The following ADGRL4 variants were observed in gnomAD, a reference collection of about 807,000 sequenced individuals.
ADGRL4 encodes EGF, latrophilin and seven transmembrane domain containing 1.
Under a neutral mutation model 74.8 loss-of-function variants are expected in ADGRL4, and 90 were observed. The ratio of observed to expected loss-of-function variants is 1.20; its 90% CI spans 1.02 to 1.43. The LOEUF (loss-of-function observed/expected upper bound fraction) is 1.43. Among genes scored for constraint, ADGRL4 ranks in the 40% most tolerant of loss-of-function variants. The pLI is 0.00. For synonymous variants in ADGRL4, 311 were observed against 279.2 expected, an observed-to-expected ratio of 1.11 and a Z score of -1.14; for missense variants, 881 against 814.3, an observed-to-expected ratio of 1.08 and a Z score of -1.00.
intron 12 of ADGRL4, among the ~76,000 whole-genome samples, chr1:78,916,160 AG>A (rs1450595822): frequency 6.6e-6 from 1 of 151,928 alleles, no homozygotes; most frequent in Admixed American, 6.6e-5. Flanking sequence ...AATCCAAATT[AG>A]CCTTACACAA....
Position 78,917,899 on chromosome 1 carries a change from T to G in ADGRL4, c.1613A>C (p.Tyr538Ser). The G allele has an allele frequency of 6.2e-7, 1 of 1,612,718 alleles. No individual in the cohort carries two copies. Among genetic ancestry groups the G allele is most frequent in the Non-Finnish European group, 8.5e-7 (1 of 1,179,140 alleles). The change falls in exon 11 of 15, where the codon TAT becomes TCT. Residue 538 changes from tyrosine to serine, a missense_variant. Physicochemically the swap from Tyr to Ser is moderately radical, Grantham distance 144. Transcript: ENST00000370742. ...FLHKNFYIFG[Y>S]LSPAVVVGFS... ...TCCAACTACCACGGCTGGGCTTAGA[T>G]AGCCAAAGATATAAAAATTCTTGTG...
At chr1:78,996,912 G>A (rs1233182447) in intron 2 of ADGRL4, among the ~76,000 whole-genome samples, 1 of 152,100 alleles carries the variant, frequency 6.6e-6, no homozygotes, top group Non-Finnish European at 1.5e-5. Flanking sequence ...CACAACACAG[G>A]GAAGAGATGA....
chr1:78,957,287 T>C (rs527719607), intron 2 of ADGRL4, among the ~76,000 whole-genome samples: 97 of 152,118 alleles, frequency 6.4e-4, no homozygotes, highest in Admixed American at 2.0e-3. Flanking sequence ...TGCATTTATG[T>C]CACTTTAAAT....
At chr1:79,002,290 G>A (rs115294879) in intron 2 of ADGRL4, among the ~76,000 whole-genome samples, 3,537 of 152,150 alleles carry the variant, frequency 0.023, 65 homozygotes, top group Non-Finnish European at 0.038. Context: ...TCTACTCCAT[G>A]CTACTCATGA....
At chr1:78,919,213 G>T (rs1395247124) in intron 10 of ADGRL4, among the ~76,000 whole-genome samples, 2 of 151,980 alleles carry the variant, frequency 1.3e-5, no homozygotes, top group African/African-American at 4.8e-5. Flanking sequence ...ATGGAAATAT[G>T]GAGGCAATTT....
chr1:78,953,651 C>G (rs1649773783), intron 2 of ADGRL4, among the ~76,000 whole-genome samples: 1 of 152,118 alleles, frequency 6.6e-6, no homozygotes, highest in Non-Finnish European at 1.5e-5. Context: ...AGAAAATATT[C>G]AAGACAGCAT....
intron 12 of ADGRL4, among the ~76,000 whole-genome samples, chr1:78,898,694 T>C (rs1469975967): frequency 6.6e-6 from 1 of 152,104 alleles, no homozygotes; most frequent in Admixed American, 6.6e-5. Flanking sequence ...TCATGAACAC[T>C]TAACTCTTGA....
chr1:78,998,520 C>T (rs796973606), intron 2 of ADGRL4, among the ~76,000 whole-genome samples: 3 of 152,086 alleles, frequency 2.0e-5, no homozygotes, highest in Admixed American at 6.5e-5. Context: ...CAGGCATGTG[C>T]CACCATGTCC....
At chr1:78,954,229 G>A (rs957265914) in intron 2 of ADGRL4, among the ~76,000 whole-genome samples, 1 of 152,032 alleles carries the variant, frequency 6.6e-6, no homozygotes, top group African/African-American at 2.4e-5. Flanking sequence ...TAGGGTGAGG[G>A]TGGAGCACAG....
At chr1:78,935,529 TAA>T (rs60057044) in intron 7 of ADGRL4, among the ~76,000 whole-genome samples, 19,913 of 147,642 alleles carry the variant, frequency 0.13, 1,552 homozygotes, top group East Asian at 0.34. Context: ...TAAGCAAAAT[TAA>T]AAAAAAAAAA....
At chr1:78,955,673 T>G (rs889516149) in intron 2 of ADGRL4, among the ~76,000 whole-genome samples, 2 of 152,098 alleles carry the variant, frequency 1.3e-5, no homozygotes, top group Non-Finnish European at 2.9e-5. Flanking sequence ...TATTTTTGCG[T>G]AATCATTCAT....
intron 12 of ADGRL4, among the ~76,000 whole-genome samples, chr1:78,893,620 C>T (rs1648334266): frequency 6.6e-6 from 1 of 151,814 alleles, no homozygotes; most frequent in Non-Finnish European, 1.5e-5. Flanking sequence ...TAAGAAAACT[C>T]AACAAAACAC....
At chr1:78,977,359 T>C (rs114530096) in intron 2 of ADGRL4, among the ~76,000 whole-genome samples, 1,646 of 151,872 alleles carry the variant, frequency 0.011, 27 homozygotes, top group African/African-American at 0.037. Context: ...ACTAGGGTAA[T>C]TGAAATGTTC....
In ADGRL4 at chr1:78,927,013, G is replaced by A. The variant is rs773326856; in HGVS notation, c.956C>T (p.Pro319Leu). The A allele has an allele frequency of 5.0e-6, 8 of 1,610,404 alleles. No individual in the cohort carries two copies. The highest frequency in any genetic ancestry group is 2.5e-6 in the Non-Finnish European group (3 of 1,177,594). The change falls in exon 8 of 15, where the codon CCT becomes CTT. Residue 319 changes from proline to leucine, a missense_variant. Physicochemically the swap from Pro to Leu is moderately conservative, Grantham distance 98 (BLOSUM62 -3). Transcript: ENST00000370742. ...CTCTTCAGAATTATCATAATTTTGA[G>A]GTTTCAATAAGAAGTTGTCAGATGA... ...LSSSDNFLLK[P>L]QNYDNSEEEE...
intron 7 of ADGRL4, among the ~76,000 whole-genome samples, chr1:78,928,567 T>A (rs1331215053): frequency 2.6e-5 from 4 of 151,500 alleles, no homozygotes; most frequent in Non-Finnish European, 5.9e-5. Flanking sequence ...TTTAGTCTTT[T>A]TGCCCTAAGA....
Position 78,930,557 on chromosome 1 carries a change from T to C in ADGRL4, c.878-3466A>G, listed in dbSNP as rs536555796. ...ACCTACATCTCCCCGGTTCAAGCAA[T>C]TCTCTGCCTCAGCCACCTGAGTAGC... On this transcript the variant is annotated intron_variant, in intron 7 of 14. Coordinates refer to ENST00000370742, the MANE Select transcript of ADGRL4 (RefSeq NM_022159.4). Among the ~76,000 whole-genome samples, 69 of 148,704 alleles carry C rather than the reference T, an allele frequency of 4.6e-4. 3 individuals carry two copies. The highest frequency in any genetic ancestry group is 1.7e-3 in the African/African-American group (66 of 39,398).
chr1:78,967,133 T>A (rs1431183107), intron 2 of ADGRL4, among the ~76,000 whole-genome samples: 1 of 152,214 alleles, frequency 6.6e-6, no homozygotes, highest in Non-Finnish European at 1.5e-5. Context: ...CACATGACTT[T>A]AATCTTTGAG....
chr1:78,967,009 C>A (rs78095661), intron 2 of ADGRL4, among the ~76,000 whole-genome samples: 5,727 of 151,720 alleles, frequency 0.038, 149 homozygotes, highest in Middle Eastern at 0.058. Context: ...GTGTAGTATG[C>A]GTTGTGTACG....
At position 78,907,688 on chromosome 1, in the gene ADGRL4, A is replaced by G. The variant is rs181307968; in HGVS notation, c.1749+9946T>C. Among the ~76,000 whole-genome samples the G allele has an allele frequency of 9.7e-4, 147 of 152,074 alleles. 2 individuals carry two copies. Among genetic ancestry groups the G allele is most frequent in the Admixed American group, 8.9e-3 (135 of 15,186 alleles). The stretch of plus-strand genomic sequence containing the variant: ...TGAAAGACAAATGAGTGGTAACTAG[A>G]TGGAGGTATAAACAGAAGGAAGTGA... On this transcript the variant is annotated intron_variant, in intron 12 of 14. Coordinates refer to ENST00000370742, the MANE Select transcript of ADGRL4 (RefSeq NM_022159.4).
Sources: allele counts gnomAD v4.1 joint callset (sites outside exome capture counted in the v4.1 genomes callset), GRCh38; gene constraint gnomAD v4.1.1; transcripts MANE v1.5; gene names NCBI Gene and HGNC (gene_info 2026-07-23, HGNC 2026-07-21).